The following INPP4B variants were observed in gnomAD, a reference collection of about 807,000 sequenced individuals.
The protein encoded by INPP4B is inositol polyphosphate 4-phosphatase type II.
INPP4B carries 55 observed loss-of-function variants against 122.5 expected under a neutral mutation model. The ratio of observed to expected loss-of-function variants is 0.45; its 90% CI spans 0.36 to 0.56. The LOEUF (loss-of-function observed/expected upper bound fraction) is 0.56, where lower values mean the gene tolerates loss of function less well. Among genes scored for constraint, INPP4B ranks in the 20% least tolerant of loss-of-function variants. The pLI is 0.00. For synonymous variants in INPP4B, 403 were observed against 388.7 expected, an observed-to-expected ratio of 1.04 and a Z score of -0.43; for missense variants, 1,000 against 1,097.7, an observed-to-expected ratio of 0.91 and a Z score of 1.26.
chr4:142,842,308 CTG>C (rs1783588951), intron 1 of INPP4B, among the ~76,000 whole-genome samples: 2 of 151,290 alleles, frequency 1.3e-5, no homozygotes, highest in South Asian at 4.2e-4. Flanking sequence ...AGGACATATA[CTG>C]TATTGAAACC....
In INPP4B at chr4:142,842,091, A is replaced by G. The variant is rs146100265; in HGVS notation, c.-254+4118T>C. The stretch of plus-strand genomic sequence containing the variant: ...ATTGATTTAGATAATTCCCAAAGAA[A>G]TGTATAACCAAAACCACATGATTTG... On this transcript the variant is annotated intron_variant, in intron 1 of 25. Coordinates refer to ENST00000262992, the MANE Select transcript of INPP4B (RefSeq NM_001101669.3). 3.7e-3 allele frequency among the ~76,000 whole-genome samples: 569 copies of G among 151,904 alleles called. 3 individuals are homozygous for G. Among genetic ancestry groups the G allele is most frequent in the African/African-American group, 0.013 (543 of 41,528 alleles).
At chr4:142,625,392 A>T (rs1241829878) in intron 2 of INPP4B, among the ~76,000 whole-genome samples, 1 of 152,186 alleles carries the variant, frequency 6.6e-6, no homozygotes, top group Non-Finnish European at 1.5e-5. Context: ...ATTGCTTCAA[A>T]GTGAATAAAA....
chr4:142,097,694 T>C (rs1390850187), intron 23 of INPP4B, among the ~76,000 whole-genome samples: 3 of 152,182 alleles, frequency 2.0e-5, no homozygotes, highest in African/African-American at 7.2e-5. Flanking sequence ...TCCTACAGAC[T>C]TTCTCAGAAC....
intron 2 of INPP4B, among the ~76,000 whole-genome samples, chr4:142,638,960 G>A (rs954214950): frequency 3.9e-5 from 6 of 152,032 alleles, no homozygotes; most frequent in African/African-American, 1.4e-4. Flanking sequence ...AATATTTTTG[G>A]TTTATTGAAA....
intron 17 of INPP4B, among the ~76,000 whole-genome samples, chr4:142,155,330 A>G (rs578191295): frequency 6.6e-6 from 1 of 152,248 alleles, no homozygotes; most frequent in East Asian, 1.9e-4. Context: ...TGCATTATGC[A>G]TGGTCTCAAT....
At chr4:142,398,445 T>TATATATATA (rs749321202) in intron 7 of INPP4B, among the ~76,000 whole-genome samples, 16 of 74,536 alleles carry the variant, frequency 2.1e-4, no homozygotes, top group Non-Finnish European at 3.0e-4. Context: ...TATATATATA[T>TATATATATA]AAAACATATT....
intron 7 of INPP4B, among the ~76,000 whole-genome samples, chr4:142,347,046 C>G (rs901160370): frequency 6.6e-6 from 1 of 151,994 alleles, no homozygotes; most frequent in African/African-American, 2.4e-5. Flanking sequence ...GTTGAAACAA[C>G]CTCTCTGTTA....
chr4:142,416,738 G>A (rs937115972), intron 5 of INPP4B, among the ~76,000 whole-genome samples: 1 of 152,114 alleles, frequency 6.6e-6, no homozygotes, highest in African/African-American at 2.4e-5. Flanking sequence ...TTTCGCTTCA[G>A]TCATCAATCA....
intron 4 of INPP4B, 97 bp downstream of exon 4, chr4:142,431,072 C>T: frequency 1.2e-6 from 1 of 840,762 alleles, no homozygotes; most frequent in East Asian, 2.5e-5. Flanking sequence ...AACCGAAGTT[C>T]CTATGAATCT....
At chr4:142,577,791 C>T (rs1007276445) in intron 2 of INPP4B, among the ~76,000 whole-genome samples, 1 of 151,892 alleles carries the variant, frequency 6.6e-6, no homozygotes, top group Admixed American at 6.6e-5. Flanking sequence ...TTGGAAATCA[C>T]CAATTTTTGG....
chr4:142,078,081 T>C (rs890359166), intron 25 of INPP4B, among the ~76,000 whole-genome samples: 10 of 151,828 alleles, frequency 6.6e-5, no homozygotes, highest in African/African-American at 2.4e-4. Flanking sequence ...ACACCTTGTG[T>C]TTAATTTTCT....
chr4:142,580,777 A>G (rs1734893144), intron 2 of INPP4B, among the ~76,000 whole-genome samples: 1 of 152,084 alleles, frequency 6.6e-6, no homozygotes. Flanking sequence ...ACAGAGGGAG[A>G]TACATTAAAT....
chr4:142,282,557 G>A (rs772553504), intron 9 of INPP4B, among the ~76,000 whole-genome samples: 4 of 152,080 alleles, frequency 2.6e-5, no homozygotes, highest in Non-Finnish European at 4.4e-5. Flanking sequence ...AAAAATCCAC[G>A]TTATAACTAA....
rs866348892 is a variant in INPP4B at position 142,243,931 on chromosome 4, C to T, written c.689-5920G>A. On this transcript the variant is annotated intron_variant, in intron 11 of 25. Coordinates refer to ENST00000262992, the MANE Select transcript of INPP4B (RefSeq NM_001101669.3). ...ATTATTATTATTATTTATTATTATA[C>T]TTTAAGTTCTGGGATACATGTGCAG... 2.9e-4 allele frequency among the ~76,000 whole-genome samples: 44 copies of T among 151,480 alleles called. 1 individual carries two copies. The highest frequency in any genetic ancestry group is 9.2e-4 in the African/African-American group (38 of 41,364).
At chr4:142,056,602 A>G (rs1757828411) in intron 25 of INPP4B, among the ~76,000 whole-genome samples, 1 of 152,136 alleles carries the variant, frequency 6.6e-6, no homozygotes, top group Non-Finnish European at 1.5e-5. Flanking sequence ...TTCCCAGAAC[A>G]ACATAAGATT....
intron 7 of INPP4B, among the ~76,000 whole-genome samples, chr4:142,329,789 A>C (rs1773783728): frequency 6.6e-6 from 1 of 152,214 alleles, no homozygotes; most frequent in Admixed American, 6.5e-5. Context: ...TATGAGGTTA[A>C]TAATGCTCAA....
intron 2 of INPP4B, among the ~76,000 whole-genome samples, chr4:142,709,068 T>G (rs1762803136): frequency 6.6e-6 from 1 of 152,132 alleles, no homozygotes; most frequent in South Asian, 2.1e-4. Context: ...ATGAGATTAT[T>G]TTGGACCTTT....
chr4:142,484,566 T>C (rs962014210), intron 2 of INPP4B, among the ~76,000 whole-genome samples: 7 of 152,114 alleles, frequency 4.6e-5, no homozygotes, highest in African/African-American at 1.7e-4. Context: ...AGCTGATATG[T>C]AATTTTCTGA....
At chr4:142,156,728 G>A (rs891922426) in intron 17 of INPP4B, among the ~76,000 whole-genome samples, 19 of 152,016 alleles carry the variant, frequency 1.2e-4, no homozygotes, top group African/African-American at 4.8e-5. Flanking sequence ...AACAAAACAA[G>A]TTGAAAAGAG....
Sources: gnomAD v4.1 joint callset for allele counts (sites outside exome capture counted in the v4.1 genomes callset) on GRCh38, gnomAD v4.1.1 for gene constraint, MANE v1.5 for transcripts, NCBI Gene and HGNC (gene_info 2026-07-23, HGNC 2026-07-21) for gene names.